Variants in SPSB4 observed in about 807,000 individuals in gnomAD.
The protein encoded by SPSB4 is SPRY domain-containing SOCS box protein 4.
A neutral mutation model predicts 20.9 loss-of-function variants in SPSB4; 21 were observed. The observed-to-expected ratio is 1.01, with a 90% confidence interval of 0.71 to 1.45. The LOEUF is 1.45. SPSB4 is among the 40% of genes most tolerant of loss of function. The pLI, the probability that SPSB4 is intolerant of heterozygous loss-of-function variation, is 0.00. For missense variants in SPSB4, 399 were observed against 399.2 expected (o/e 1.00, Z 0.00); for synonymous variants, 207 against 183.8 (o/e 1.13, Z -1.02).
At chr3:141,118,949 C>T (rs565040962) in intron 2 of SPSB4, among the ~76,000 whole-genome samples, 18 of 152,114 alleles carry the variant, frequency 1.2e-4, no homozygotes, top group South Asian at 6.2e-4. Context: ...GTTCTTTTTG[C>T]TTAGGATTGT....
At chr3:141,091,745 T>C (rs1306882943) in intron 2 of SPSB4, among the ~76,000 whole-genome samples, 1 of 152,232 alleles carries the variant, frequency 6.6e-6, no homozygotes, top group Admixed American at 6.5e-5. Context: ...ATGTGGACGC[T>C]GACTTCGCTC....
rs182866247 is a variant in SPSB4 at position 141,066,356 on chromosome 3, C to T, written c.252C>T (p.Thr84=). Reference sequence around the variant, plus strand: ...ACCGGCACCCCGTGGCCCAGAGCACCGACGGCATCCGCGGCAAGGTGGGCC... The same window carrying T: ...ACCGGCACCCCGTGGCCCAGAGCACTGACGGCATCCGCGGCAAGGTGGGCC... ...TFHRHPVAQS[T]DGIRGKVGHA... Residue 84 remains threonine, a synonymous_variant, in exon 2 of 3, where the codon ACC becomes ACT. Coordinates refer to ENST00000310546, the MANE Select transcript of SPSB4 (RefSeq NM_080862.3). 15 of 1,559,156 alleles carry T rather than the reference C, an allele frequency of 9.6e-6. No homozygotes were observed. The East Asian group carries it at 1.5e-4, about 15-fold the overall frequency.
At chr3:141,113,535 T>C (rs1025993366) in intron 2 of SPSB4, among the ~76,000 whole-genome samples, 8 of 152,216 alleles carry the variant, frequency 5.3e-5, no homozygotes, top group Admixed American at 2.6e-4. Flanking sequence ...AGAAACCTGA[T>C]ACAAAAGGTC....
intron 2 of SPSB4, among the ~76,000 whole-genome samples, chr3:141,078,847 TCA>T (rs1205985316): frequency 6.6e-6 from 1 of 152,212 alleles, no homozygotes; most frequent in Non-Finnish European, 1.5e-5. Context: ...GTCCTCCCAG[TCA>T]CTGCCCTTTT....
rs549783320 is a variant in SPSB4, at chr3:141,137,918, C to T, written c.695-9224C>T. Among the ~76,000 whole-genome samples the T allele has an allele frequency of 5.5e-4, 84 of 152,212 alleles. No individual in the cohort carries two copies. In the East Asian group the frequency reaches 0.015, roughly 27 times the overall value. ...AGTTTCAGAAGGAATGGTACCAGCT[C>T]CTCCTTGTACCTCTGGTAGAATTCG... is the stretch of plus-strand genomic sequence containing the variant. On this transcript the variant is annotated intron_variant, in intron 2 of 2. Coordinates refer to ENST00000310546, the MANE Select transcript of SPSB4 (RefSeq NM_080862.3).
At chr3:141,099,822 C>G (rs1355379050) in intron 2 of SPSB4, among the ~76,000 whole-genome samples, 1 of 152,146 alleles carries the variant, frequency 6.6e-6, no homozygotes, top group Non-Finnish European at 1.5e-5. Flanking sequence ...AGGCCATCCC[C>G]CCTAACCTGA....
intron 2 of SPSB4, among the ~76,000 whole-genome samples, chr3:141,074,260 T>A (rs532702174): frequency 3.9e-5 from 6 of 152,152 alleles, no homozygotes; most frequent in African/African-American, 1.4e-4. Flanking sequence ...AAAACAAACT[T>A]ACTTTGCTAC....
intron 2 of SPSB4, among the ~76,000 whole-genome samples, chr3:141,082,613 C>T (rs4683546): frequency 0.17 from 24,651 of 146,818 alleles, 2,425 homozygotes; most frequent in African/African-American, 0.26. Flanking sequence ...TGCCCCAACC[C>T]AGGTGCTATC....
intron 2 of SPSB4, among the ~76,000 whole-genome samples, chr3:141,090,169 T>C (rs1938423227): frequency 6.6e-6 from 1 of 152,244 alleles, no homozygotes; most frequent in Non-Finnish European, 1.5e-5. Context: ...CTCCCAATTC[T>C]ACCACCATGT....
At chr3:141,124,947 CA>C (rs1939027761) in intron 2 of SPSB4, among the ~76,000 whole-genome samples, 1 of 152,140 alleles carries the variant, frequency 6.6e-6, no homozygotes, top group Non-Finnish European at 1.5e-5. Context: ...CTGGTGCTGC[CA>C]GTCCACAGAT....
chr3:141,098,927 G>A (rs572453956), intron 2 of SPSB4, among the ~76,000 whole-genome samples: 9 of 152,254 alleles, frequency 5.9e-5, no homozygotes, highest in South Asian at 2.1e-4. Context: ...GGCATCCGGC[G>A]AGGGTCATCC....
At chr3:141,080,854 G>T (rs1938216911) in intron 2 of SPSB4, among the ~76,000 whole-genome samples, 1 of 152,228 alleles carries the variant, frequency 6.6e-6, no homozygotes, top group Non-Finnish European at 1.5e-5. Context: ...GTTGTACCCA[G>T]AGTCTGGTGT....
rs184448181 is a variant in SPSB4 at position 141,133,429 on chromosome 3, T to C, written c.695-13713T>C. ...CTAGAATTTTTATGGTTTCAGGTCTTAGATTTAAGTTTTTGACCCATCTTG... is the reference window on the plus strand; with the variant it reads ...CTAGAATTTTTATGGTTTCAGGTCTCAGATTTAAGTTTTTGACCCATCTTG... On this transcript the variant is annotated intron_variant, in intron 2 of 2. Coordinates refer to ENST00000310546, the MANE Select transcript of SPSB4 (RefSeq NM_080862.3). Among the ~76,000 whole-genome samples, 848 of 152,330 alleles carry C rather than the reference T, an allele frequency of 5.6e-3. 4 individuals carry two copies. The highest frequency in any genetic ancestry group is 8.9e-3 in the Non-Finnish European group (604 of 68,014).
At chr3:141,092,574 G>A (rs1442110435) in intron 2 of SPSB4, among the ~76,000 whole-genome samples, 2 of 152,168 alleles carry the variant, frequency 1.3e-5, no homozygotes, top group African/African-American at 4.8e-5. Flanking sequence ...ACTCTGGGCA[G>A]CTGGGGCCTG....
chr3:141,072,360 C>A (rs1006472358), intron 2 of SPSB4, among the ~76,000 whole-genome samples: 2 of 152,162 alleles, frequency 1.3e-5, no homozygotes, highest in Non-Finnish European at 2.9e-5. Context: ...CTACAAATCT[C>A]GTGTTGAAAT....
chr3:141,120,759 G>A (rs1304162176), intron 2 of SPSB4, among the ~76,000 whole-genome samples: 2 of 151,926 alleles, frequency 1.3e-5, no homozygotes, highest in Non-Finnish European at 2.9e-5. Context: ...TTTTCCATTT[G>A]CTTGGTAGAT....
At position 141,062,144 on chromosome 3, in the gene SPSB4, C is replaced by T. The variant is rs79917600; in HGVS notation, c.-153-3808C>T. 7.2e-3 allele frequency among the ~76,000 whole-genome samples: 1,094 copies of T among 152,226 alleles called. 14 individuals carry two copies. Among genetic ancestry groups the T allele is most frequent in the East Asian group, 0.022 (114 of 5,190 alleles). On this transcript the variant is annotated intron_variant, in intron 1 of 2. Transcript: ENST00000310546. ...ATGATGGTTTCTCAGACTTTGGTTC[C>T]GATGACCTTGCCGGTTAGGTCAGGT...
At chr3:141,134,056 C>CTTTTTTTTTTTTTT (rs1222303281) in intron 2 of SPSB4, among the ~76,000 whole-genome samples, 1 of 61,632 alleles carries the variant, frequency 1.6e-5, no homozygotes, top group African/African-American at 7.1e-5. Flanking sequence ...TTTCTTTTTT[C>CTTTTTTTTTTTTTT]TTTTTTTTTT....
intron 2 of SPSB4, among the ~76,000 whole-genome samples, chr3:141,145,442 A>G (rs944953527): frequency 4.7e-4 from 71 of 152,182 alleles, no homozygotes; most frequent in South Asian, 8.3e-4. Context: ...TATAAAACAT[A>G]TTCTCGACTC....
Sources: gnomAD v4.1 joint callset for allele counts (sites outside exome capture counted in the v4.1 genomes callset) on GRCh38, gnomAD v4.1.1 for gene constraint, MANE v1.5 for transcripts, NCBI Gene and HGNC (gene_info 2026-07-23, HGNC 2026-07-21) for gene names.